RGS12: variants seen among roughly 807,000 people sequenced by gnomAD.
RGS12 encodes regulator of G protein signaling 12.
RGS12 carries 66 observed loss-of-function variants against 120.1 expected under a neutral mutation model. The ratio of observed to expected loss-of-function variants is 0.55; its 90% CI spans 0.45 to 0.67. The LOEUF (loss-of-function observed/expected upper bound fraction) is 0.67. RGS12 is among the 30% of genes least tolerant of loss of function. The probability of loss-of-function intolerance (pLI) is 0.00; values close to 1 mark genes in which losing one functional copy is unlikely to be tolerated. For missense variants in RGS12, 1,859 were observed against 1,957.7 expected, an observed-to-expected ratio of 0.95 and a Z score of 0.95; for synonymous variants, 827 against 804.7, an observed-to-expected ratio of 1.03 and a Z score of -0.47.
At chr4:3,386,733 T>C (rs1718894446) in intron 4 of RGS12, among the ~76,000 whole-genome samples, 1 of 152,230 alleles carries the variant, frequency 6.6e-6, no homozygotes, top group African/African-American at 2.4e-5. Flanking sequence ...GTCTGACAAG[T>C]TAAAACGTGT....
chr4:3,428,065 A>G, intron 14 of RGS12, 25 bp from the exon 15 acceptor site: 1 of 1,604,634 alleles, frequency 6.2e-7, no homozygotes, highest in Non-Finnish European at 8.5e-7. Context: ...GAGTCCCTGA[A>G]GTCATAAAGC....
In RGS12 at chr4:3,416,844, C is replaced by G. The variant is rs955168101; in HGVS notation, c.2428-69C>G. The G allele has an allele frequency of 2.3e-5, 34 of 1,458,742 alleles. No individual in the cohort carries two copies. In the African/African-American group the frequency reaches 4.4e-4, roughly 19 times the overall value. The allele number at this position is 1,458,742 out of a possible 1,614,324, so 90.4% of individuals were successfully genotyped here. ...CAGTGGTTGCCTACAGGTCGCCAAG[C>G]AGCCTCGCGCCTGAGGCTGCATGTC... On this transcript the variant is annotated intron_variant, in intron 7 of 17. Transcript: ENST00000336727.
At chr4:3,335,657 A>G (rs897580468) in intron 2 of RGS12, among the ~76,000 whole-genome samples, 3 of 152,124 alleles carry the variant, frequency 2.0e-5, no homozygotes, top group South Asian at 2.1e-4. Context: ...CTCAGAAACA[A>G]TGGATGGGCT....
intron 14 of RGS12, chr4:3,426,904 A>G (rs979702935): frequency 6.6e-6 from 1 of 152,202 alleles, no homozygotes; most frequent in Non-Finnish European, 1.5e-5. Context: ...CTTTGTGAGG[A>G]GCCACTTCAG....
intron 4 of RGS12, among the ~76,000 whole-genome samples, chr4:3,391,202 G>C (rs960039561): frequency 3.3e-5 from 5 of 152,188 alleles, no homozygotes; most frequent in African/African-American, 1.2e-4. Flanking sequence ...GAATCACACA[G>C]TGTATTTGTA....
intron 3 of RGS12, among the ~76,000 whole-genome samples, chr4:3,348,330 A>T (rs943105301): frequency 6.6e-6 from 1 of 152,214 alleles, no homozygotes; most frequent in African/African-American, 2.4e-5. Flanking sequence ...AAAACTTAAT[A>T]AAGACAACAC....
rs1454883063 is a variant in RGS12 at position 3,390,186 on chromosome 4, G to A, written c.2020+3749G>A. Among the ~76,000 whole-genome samples the A allele has an allele frequency of 2.0e-5, 3 of 152,164 alleles. No individual in the cohort carries two copies. Among genetic ancestry groups the A allele is most frequent in the African/African-American group, 2.4e-5 (1 of 41,438 alleles). ...CTCCAATGGTGCCTCAGGCACATGC[G>A]GTTTCCCTCTTCCCTTCCTGACCAC... On this transcript the variant is annotated intron_variant, in intron 4 of 17. Coordinates refer to ENST00000336727, the MANE Select transcript of RGS12 (RefSeq NM_001394154.1). The surrounding 1 kb of genome is among the most constrained non-coding windows in gnomAD (Gnocchi z 4.6).
chr4:3,437,138 G>A lies in RGS12; in HGVS notation c.4115-2317G>A, dbSNP rs77152638. Among the ~76,000 whole-genome samples, 894 of 152,298 alleles carry A rather than the reference G, an allele frequency of 5.9e-3. 7 individuals are homozygous for A. The highest frequency in any genetic ancestry group is 0.043 in the East Asian group (221 of 5,178). ...GGTGAGGCAGCGTGCTGCTCAGGGCGGGGCCAGGCAGCTGAGTCACAGGCC... is the reference window on the plus strand; with the variant it reads ...GGTGAGGCAGCGTGCTGCTCAGGGCAGGGCCAGGCAGCTGAGTCACAGGCC... On this transcript the variant is annotated intron_variant, in intron 17 of 17. Transcript: ENST00000336727.
intron 4 of RGS12, among the ~76,000 whole-genome samples, chr4:3,412,555 T>G (rs898335286): frequency 6.6e-6 from 1 of 152,254 alleles, no homozygotes; most frequent in East Asian, 1.9e-4. Context: ...GCCTTGACTT[T>G]ACAGCAGTGC....
At chr4:3,305,227 A>G (rs1010911504) in intron 1 of RGS12, among the ~76,000 whole-genome samples, 39 of 152,126 alleles carry the variant, frequency 2.6e-4, no homozygotes, top group African/African-American at 7.5e-4. Context: ...GTGACATCCT[A>G]TCTCTTTTGC....
intron 1 of RGS12, among the ~76,000 whole-genome samples, chr4:3,301,272 G>T (rs9995687): frequency 2.6e-5 from 4 of 152,214 alleles, no homozygotes; most frequent in Non-Finnish European, 5.9e-5. Context: ...TCCTTAACAC[G>T]CTTGGTGCTG....
chr4:3,420,615 G>A (rs368485564), intron 9 of RGS12, 27 bp from the exon 10 acceptor site: 37 of 1,609,332 alleles, frequency 2.3e-5, no homozygotes, highest in South Asian at 2.2e-5. Context: ...TCTGATTGAC[G>A]TGAGTCACTG....
At chr4:3,300,708 C>T (rs1723639768) in intron 1 of RGS12, among the ~76,000 whole-genome samples, 1 of 152,202 alleles carries the variant, frequency 6.6e-6, no homozygotes, top group Admixed American at 6.5e-5. Context: ...TTGCATTGCT[C>T]CAGTCCCTGC....
In RGS12 at chr4:3,420,563, A is replaced by C. The variant is rs533069375; in HGVS notation, c.2762-79A>C. The stretch of plus-strand genomic sequence containing the variant: ...TCCTGGCGTCTGTCTGCTCAGCCTA[A>C]AGGGGGCAGAGGGTTGGGAGATGTG... On this transcript the variant is annotated intron_variant, in intron 9 of 17. Transcript: ENST00000336727. 606 of 1,444,842 alleles carry C rather than the reference A, an allele frequency of 4.2e-4. 2 individuals carry two copies. Among genetic ancestry groups the C allele is most frequent in the Middle Eastern group, 7.0e-4 (3 of 4,260 alleles). The allele number at this position is 1,444,842 out of a possible 1,614,324, so 89.5% of individuals were successfully genotyped here.
chr4:3,371,810 T>A (rs920849053), intron 3 of RGS12, among the ~76,000 whole-genome samples: 1 of 152,198 alleles, frequency 6.6e-6, no homozygotes, highest in African/African-American at 2.4e-5. Flanking sequence ...GGTCAGGGAA[T>A]GCTGGGGTGC....
Position 3,430,841 on chromosome 4 carries a change from G to A in RGS12, c.4000G>A (p.Asp1334Asn). The change falls in exon 17 of 18, where the codon GAT (aspartate) becomes AAT (asparagine). Residue 1334 changes from aspartate to asparagine, a missense_variant. By Grantham distance (23) the Asp-to-Asn change is conservative. Coordinates refer to ENST00000336727, the MANE Select transcript of RGS12 (RefSeq NM_001394154.1). Reference protein sequence around the residue: ...VEAGGIQTVEDEHVAELTLMG... With the variant: ...VEAGGIQTVENEHVAELTLMG... The stretch of plus-strand genomic sequence containing the variant: ...GGCCGGGGGCATCCAGACGGTGGAG[G>A]ATGAGCACGTGGCCGAGCTGACCCT... 9 of 1,612,040 alleles carry A rather than the reference G, an allele frequency of 5.6e-6. No individual in the cohort carries two copies. The highest frequency in any genetic ancestry group is 6.8e-6 in the Non-Finnish European group (8 of 1,179,616).
chr4:3,412,182 A>G (rs962641868), intron 4 of RGS12, among the ~76,000 whole-genome samples: 3 of 152,224 alleles, frequency 2.0e-5, no homozygotes, highest in Non-Finnish European at 2.9e-5. Flanking sequence ...CGCACTTTGA[A>G]TGACTCCTGC....
At chr4:3,380,111 C>T (rs530427525) in intron 3 of RGS12, among the ~76,000 whole-genome samples, 36 of 152,340 alleles carry the variant, frequency 2.4e-4, no homozygotes, top group African/African-American at 8.2e-4. Context: ...GTCTATATCC[C>T]CATTCCAAAT....
intron 2 of RGS12, among the ~76,000 whole-genome samples, chr4:3,329,030 T>C (rs1711536825): frequency 6.6e-6 from 1 of 152,128 alleles, no homozygotes; most frequent in East Asian, 1.9e-4. Context: ...GCCAAGAGGC[T>C]CAGCTGTTGG....
Sources: gnomAD v4.1 joint callset for allele counts (sites outside exome capture counted in the v4.1 genomes callset) on GRCh38, gnomAD v4.1.1 for gene constraint, Gnocchi (gnomAD v3.1) non-coding constraint, MANE v1.5 for transcripts, NCBI Gene and HGNC (gene_info 2026-07-23, HGNC 2026-07-21) for gene names.